The following HIKESHI variants were observed in gnomAD, a reference collection of about 807,000 sequenced individuals.
The protein encoded by HIKESHI is heat shock protein nuclear import factor hikeshi.
In HIKESHI, 13 loss-of-function variants were observed where a neutral mutation model predicts 25.7. The ratio of observed to expected loss-of-function variants is 0.51; its 90% confidence interval spans 0.33 to 0.80. HIKESHI has a LOEUF of 0.80. Ranked by LOEUF, HIKESHI falls within the 30% of genes least tolerant of loss-of-function variation. The probability of loss-of-function intolerance (pLI) is 0.02; values close to 1 mark genes in which losing one functional copy is unlikely to be tolerated. For missense variants in HIKESHI, 174 were observed against 229.5 expected, an observed-to-expected ratio of 0.76 and a Z score of 1.56; for synonymous variants, 76 against 78.7, an observed-to-expected ratio of 0.97 and a Z score of 0.18.
chr11:86,310,047 A>C (rs1349512474), intron 2 of HIKESHI, among the ~76,000 whole-genome samples: 2 of 148,574 alleles, frequency 1.3e-5, no homozygotes, highest in Admixed American at 6.8e-5. Flanking sequence ...TTGGCAATGC[A>C]GGCTCTTTTT....
chr11:86,306,471 G>T lies in HIKESHI; in HGVS notation c.257G>T (p.Gly86Val). 1 of 1,596,268 alleles carries T rather than the reference G, an allele frequency of 6.3e-7. No individual in the cohort carries two copies. Among genetic ancestry groups the T allele is most frequent in the South Asian group, 1.1e-5 (1 of 90,478 alleles). Reference sequence around the variant, plus strand: ...CCAAGTGCCATCTTCAAAATTTCAGGTCTTAAATCTGGTAAGAATAATATA... The same window carrying T: ...CCAAGTGCCATCTTCAAAATTTCAGTTCTTAAATCTGGTAAGAATAATATA... ...GKPSAIFKIS[G>V]LKSGEGSQHP... Residue 86 changes from glycine (G) to valine (V), a missense_variant, in exon 2 of 5, where the codon GGT becomes GTT. Gly to Val is a moderately radical substitution (Grantham distance 109). Transcript: ENST00000278483.
intron 2 of HIKESHI, among the ~76,000 whole-genome samples, chr11:86,309,124 A>G (rs1946764384): frequency 6.6e-6 from 1 of 152,194 alleles, no homozygotes; most frequent in Admixed American, 6.5e-5. Flanking sequence ...TTCTAGTTCT[A>G]GATCCTTGAG....
chr11:86,332,679 TTAGC>T (rs1947454994), intron 2 of HIKESHI, among the ~76,000 whole-genome samples: 2 of 152,232 alleles, frequency 1.3e-5, no homozygotes, highest in Non-Finnish European at 2.9e-5. Flanking sequence ...AATGTTGGAA[TTAGC>T]TAGAGTAGAA....
intron 3 of HIKESHI, among the ~76,000 whole-genome samples, chr11:86,341,046 T>G (rs1323414765): frequency 1.3e-5 from 2 of 152,224 alleles, no homozygotes; most frequent in African/African-American, 2.4e-5. Context: ...CCTCCCCTTT[T>G]TAATCTATTT....
At position 86,302,426 on chromosome 11, in the gene HIKESHI, G is replaced by T; in HGVS notation, c.-23G>T. 1.3e-6 allele frequency: 2 copies of T among 1,552,142 alleles called. No homozygotes were observed. The highest frequency in any genetic ancestry group is 1.7e-6 in the Non-Finnish European group (2 of 1,147,380). On this transcript the variant is annotated 5_prime_UTR_variant, in exon 1 of 5. Coordinates refer to ENST00000278483, the MANE Select transcript of HIKESHI (RefSeq NM_016401.4). ...TAGTCGCCGGCTTCAGGTCACTGCCGGCTGAACGGAGCTGCCGTCGCCATG... is the reference window on the plus strand; with the variant it reads ...TAGTCGCCGGCTTCAGGTCACTGCCTGCTGAACGGAGCTGCCGTCGCCATG...
rs1326068730 is a variant in HIKESHI at position 86,337,425 on chromosome 11, T to TC, written c.317dup (p.Ser107IlefsTer23). 6.2e-7 allele frequency: 1 copy of TC among 1,614,048 alleles called. No homozygotes were observed. The highest frequency in any genetic ancestry group is 1.7e-5 in the Admixed American group (1 of 60,008). On this transcript the variant is annotated frameshift_variant, in exon 3 of 5. Coordinates refer to ENST00000278483, the MANE Select transcript of HIKESHI (RefSeq NM_016401.4). LOFTEE classifies it high-confidence loss of function. Reference sequence around the variant, plus strand: ...TTGGAGCCATGAATATTGTCCGAACTCCATCTGTTGCTCAGATTGGAATTT... The same window carrying TC: ...TTGGAGCCATGAATATTGTCCGAACTCCCATCTGTTGCTCAGATTGGAATTT...
rs1947644133 is a variant in HIKESHI, at chr11:86,338,951, A to G, written c.420+1421A>G. Among the ~76,000 whole-genome samples the G allele has an allele frequency of 2.0e-5, 3 of 152,256 alleles. No individual in the cohort carries two copies. In the South Asian group the frequency reaches 6.2e-4, roughly 31 times the overall value. ...TAAAACTATAGTTTTAATTAAATGT[A>G]TTACGAAATATTTTAAATACAGAGA... On this transcript the variant is annotated intron_variant, in intron 3 of 4. Transcript: ENST00000278483.
intron 2 of HIKESHI, among the ~76,000 whole-genome samples, chr11:86,333,686 G>C (rs1163595526): frequency 6.6e-6 from 1 of 151,854 alleles, no homozygotes; most frequent in African/African-American, 2.4e-5. Context: ...TCTTATATTT[G>C]TGTTCCAAAA....
At chr11:86,345,475 C>T (rs1947847996) in intron 4 of HIKESHI, 109 bp from the exon 5 acceptor site, 1 of 646,376 alleles carries the variant, frequency 1.5e-6, no homozygotes. Context: ...TTTTTTATAG[C>T]TTTTTAGAAA....
chr11:86,334,236 ATGTGTGTG>A (rs60951435), intron 2 of HIKESHI, among the ~76,000 whole-genome samples: 12,978 of 147,076 alleles, frequency 0.088, 838 homozygotes, highest in African/African-American at 0.17. Flanking sequence ...TTTGTAAAAT[ATGTGTGTG>A]TGTGTGTGTG....
At chr11:86,317,142 T>G (rs1183495570) in intron 2 of HIKESHI, among the ~76,000 whole-genome samples, 1 of 152,046 alleles carries the variant, frequency 6.6e-6, no homozygotes, top group African/African-American at 2.4e-5. Flanking sequence ...CTTGCATAAG[T>G]ATATGAATTT....
intron 2 of HIKESHI, among the ~76,000 whole-genome samples, chr11:86,317,811 G>A (rs137881640): frequency 0.01 from 1,578 of 151,698 alleles, 13 homozygotes; most frequent in South Asian, 0.032. Flanking sequence ...AACGAAAAAC[G>A]ATGAATCAAG....
intron 2 of HIKESHI, among the ~76,000 whole-genome samples, chr11:86,312,953 G>T (rs982640571): frequency 6.6e-6 from 1 of 152,162 alleles, no homozygotes; most frequent in Non-Finnish European, 1.5e-5. Context: ...GCTTCCCTTT[G>T]TGGGTAACCC....
intron 2 of HIKESHI, among the ~76,000 whole-genome samples, chr11:86,310,592 A>G (rs1946809920): frequency 6.6e-6 from 1 of 152,168 alleles, no homozygotes; most frequent in Non-Finnish European, 1.5e-5. Flanking sequence ...AGAACTTCCA[A>G]CACTATGTTG....
At chr11:86,324,958 CA>C (rs755896704) in intron 2 of HIKESHI, among the ~76,000 whole-genome samples, 2 of 152,006 alleles carry the variant, frequency 1.3e-5, no homozygotes, top group Non-Finnish European at 2.9e-5. Context: ...GTGGATGGAT[CA>C]CTTGAGCCAA....
chr11:86,317,197 A>G (rs1409129329), intron 2 of HIKESHI, among the ~76,000 whole-genome samples: 1 of 152,172 alleles, frequency 6.6e-6, no homozygotes, highest in Admixed American at 6.6e-5. Context: ...ATTATCAAGG[A>G]TAAAGAGATT....
At chr11:86,327,908 C>CTT (rs1416141312) in intron 2 of HIKESHI, among the ~76,000 whole-genome samples, 1 of 152,042 alleles carries the variant, frequency 6.6e-6, no homozygotes, top group African/African-American at 2.4e-5. Context: ...TTAAAATGGC[C>CTT]TTTAAAACAA....
intron 3 of HIKESHI, among the ~76,000 whole-genome samples, chr11:86,339,344 A>G (rs1345938416): frequency 6.6e-6 from 1 of 152,238 alleles, no homozygotes; most frequent in Non-Finnish European, 1.5e-5. Context: ...CACCGCGCCC[A>G]GCCTGTACCA....
At chr11:86,333,486 G>A (rs1947471922) in intron 2 of HIKESHI, among the ~76,000 whole-genome samples, 1 of 151,450 alleles carries the variant, frequency 6.6e-6, no homozygotes, top group Non-Finnish European at 1.5e-5. Flanking sequence ...AGTGAGCCAA[G>A]ATCGTCCTAC....
Sources: gnomAD v4.1 joint callset for allele counts (sites outside exome capture counted in the v4.1 genomes callset) on GRCh38, gnomAD v4.1.1 for gene constraint, MANE v1.5 for transcripts, NCBI Gene and HGNC (gene_info 2026-07-23, HGNC 2026-07-21) for gene names.